Variants in ITGA9 observed in about 807,000 individuals in gnomAD.
ITGA9 encodes integrin subunit alpha 9.
A neutral mutation model predicts 127.8 loss-of-function variants in ITGA9; 56 were observed. The observed-to-expected ratio is 0.44, with a 90% CI of 0.35 to 0.55. The LOEUF (loss-of-function observed/expected upper bound fraction) is 0.55. Ranked by LOEUF, ITGA9 falls within the 20% of genes least tolerant of loss-of-function variation. The pLI is 0.00. For synonymous variants in ITGA9, 508 were observed against 514.5 expected, an observed-to-expected ratio of 0.99 and a Z score of 0.17; for missense variants, 1,196 against 1,347.1, an observed-to-expected ratio of 0.89 and a Z score of 1.76.
At position 37,823,252 on chromosome 3, in the gene ITGA9, G is replaced by A. The variant is rs1253228048; in HGVS notation, c.*4263G>A. ...TAATTCTAATGTGCACGGTGTGACT[G>A]GCAGAGTGAGTTTAAAAGCTTTACG... On this transcript the variant is annotated 3_prime_UTR_variant, in exon 28 of 28. Coordinates refer to ENST00000264741, the MANE Select transcript of ITGA9 (RefSeq NM_002207.3). The A allele has an allele frequency of 6.6e-6, 1 of 152,228 alleles. No homozygotes were observed. The highest frequency in any genetic ancestry group is 1.5e-5 in the Non-Finnish European group (1 of 68,048). The allele number at this position is 152,228 out of a possible 1,614,324, so 9.4% of individuals were successfully genotyped here. A position where few individuals can be genotyped will look rare whatever the true frequency, so the allele number is the denominator to read the frequency against.
At chr3:37,473,136 C>CAAAAAA (rs36109791) in intron 2 of ITGA9, among the ~76,000 whole-genome samples, 36 of 70,758 alleles carry the variant, frequency 5.1e-4, no homozygotes, top group African/African-American at 1.6e-3. Context: ...GAGACTGTCT[C>CAAAAAA]AAAAAAAAAA....
chr3:37,590,487 C>G (rs1699804686), intron 15 of ITGA9, among the ~76,000 whole-genome samples: 1 of 152,216 alleles, frequency 6.6e-6, no homozygotes, highest in Non-Finnish European at 1.5e-5. Context: ...TTTCACAGCT[C>G]AGTCCGAAGA....
At position 37,731,223 on chromosome 3, in the gene ITGA9, T is replaced by C. The variant is rs575368872; in HGVS notation, c.2068-1489T>C. On this transcript the variant is annotated intron_variant, in intron 18 of 27. Coordinates refer to ENST00000264741, the MANE Select transcript of ITGA9 (RefSeq NM_002207.3). ...GGCCCAGGAATCTGCATTTTATTTA[T>C]TTATTTATTTTTTAGACGGAGTCTC... 4.3e-4 allele frequency among the ~76,000 whole-genome samples: 66 copies of C among 152,300 alleles called. 1 individual carries two copies. In the South Asian group the frequency reaches 0.013, roughly 31 times the overall value.
At chr3:37,655,189 A>G (rs1700465609) in intron 17 of ITGA9, among the ~76,000 whole-genome samples, 1 of 152,160 alleles carries the variant, frequency 6.6e-6, no homozygotes, top group Non-Finnish European at 1.5e-5. Context: ...ATGATTCATA[A>G]TCCTTTGGGT....
intron 23 of ITGA9, among the ~76,000 whole-genome samples, chr3:37,750,891 G>A (rs1696577233): frequency 6.6e-6 from 1 of 152,270 alleles, no homozygotes; most frequent in South Asian, 2.1e-4. Context: ...TTTGCTGAGT[G>A]CATTTTGCAC....
In ITGA9 at chr3:37,796,193, T is replaced by C. The variant is rs372747788; in HGVS notation, c.2890-7630T>C. ...AATGATCTTCCCTCCCTTGTTTAGCTGGTAAACTTCTGCTTGTCCTTTCAC... is the reference window on the plus strand; with the variant it reads ...AATGATCTTCCCTCCCTTGTTTAGCCGGTAAACTTCTGCTTGTCCTTTCAC... On this transcript the variant is annotated intron_variant, in intron 26 of 27. Coordinates refer to ENST00000264741, the MANE Select transcript of ITGA9 (RefSeq NM_002207.3). Among the ~76,000 whole-genome samples, 267 of 152,184 alleles carry C rather than the reference T, an allele frequency of 1.8e-3. 1 individual carries two copies. The highest frequency in any genetic ancestry group is 5.9e-3 in the African/African-American group (244 of 41,522).
Position 37,506,011 on chromosome 3 carries a change from A to G in ITGA9, c.754A>G (p.Thr252Ala). Reference protein sequence around the residue: ...RRYTYLGYAVTAGHFSHPSTI... With the variant: ...RRYTYLGYAVAAGHFSHPSTI... Reference sequence around the variant, plus strand: ...CCCATCCTGTTCAGGCTACGCAGTGACCGCTGGCCACTTCTCTCACCCGTC... The same window carrying G: ...CCCATCCTGTTCAGGCTACGCAGTGGCCGCTGGCCACTTCTCTCACCCGTC... Residue 252 changes from threonine to alanine, a missense_variant, in exon 7 of 28, where the codon ACC becomes GCC. By Grantham distance (58) the Thr-to-Ala change is moderately conservative. Transcript: ENST00000264741. 1 of 1,606,280 alleles carries G rather than the reference A, an allele frequency of 6.2e-7. No individual in the cohort carries two copies. Among genetic ancestry groups the G allele is most frequent in the Non-Finnish European group, 8.5e-7 (1 of 1,176,514 alleles).
chr3:37,692,195 C>T (rs1318398852), intron 18 of ITGA9, among the ~76,000 whole-genome samples: 1 of 152,100 alleles, frequency 6.6e-6, no homozygotes, highest in African/African-American at 2.4e-5. Flanking sequence ...ATGGTAGTCC[C>T]GACTCTGCCA....
In ITGA9 at chr3:37,685,786, A is replaced by G. The variant is rs547669391; in HGVS notation, c.2067+1771A>G. ...AATTTTGGCTTGTTTTTACCTTGTG[A>G]CTGACTAGGCTTCATTCTCTTTATT... On this transcript the variant is annotated intron_variant, in intron 18 of 27. Transcript: ENST00000264741. Among the ~76,000 whole-genome samples the G allele has an allele frequency of 1.1e-4, 17 of 152,182 alleles. No individual in the cohort carries two copies. In the South Asian group the frequency reaches 3.5e-3, roughly 32 times the overall value.
intron 15 of ITGA9, among the ~76,000 whole-genome samples, chr3:37,546,520 CTGT>C (rs1699327755): frequency 1.3e-5 from 2 of 152,350 alleles, no homozygotes; most frequent in East Asian, 3.9e-4. Flanking sequence ...TGAAGGCTTG[CTGT>C]TGTTCAAGGC....
At chr3:37,476,581 A>G (rs952814946) in intron 3 of ITGA9, among the ~76,000 whole-genome samples, 1 of 152,130 alleles carries the variant, frequency 6.6e-6, no homozygotes, top group African/African-American at 2.4e-5. Context: ...GGCATTTTGC[A>G]CATGGGCAGT....
rs1232973585 is a variant in ITGA9, at chr3:37,821,406, G to A, written c.*2417G>A. The A allele has an allele frequency of 6.6e-6, 1 of 152,188 alleles. No homozygotes were observed. Among genetic ancestry groups the A allele is most frequent in the Non-Finnish European group, 1.5e-5 (1 of 68,030 alleles). The allele number at this position is 152,188 out of a possible 1,614,324, so 9.4% of individuals were successfully genotyped here. A position where few individuals can be genotyped will look rare whatever the true frequency, so the allele number is the denominator to read the frequency against. On this transcript the variant is annotated 3_prime_UTR_variant, in exon 28 of 28. Transcript: ENST00000264741. ...CCAGAGAACACTTCAGGGACATTTT[G>A]CCTCAGGGTGGCAAAATGCAGTGGC...
At chr3:37,469,586 G>C (rs1048980824) in intron 1 of ITGA9, among the ~76,000 whole-genome samples, 3 of 152,064 alleles carry the variant, frequency 2.0e-5, no homozygotes, top group Non-Finnish European at 2.9e-5. Context: ...TTGCAACCCT[G>C]CTTTCTCCTC....
intron 18 of ITGA9, among the ~76,000 whole-genome samples, chr3:37,700,294 T>G (rs1285158962): frequency 5.3e-5 from 8 of 151,854 alleles, no homozygotes; most frequent in African/African-American, 1.9e-4. Flanking sequence ...GGACATACTA[T>G]TTGTTTGTTG....
chr3:37,784,906 C>A, intron 25 of ITGA9, 71 bp from the exon 26 acceptor site: 2 of 1,273,954 alleles, frequency 1.6e-6, no homozygotes, highest in Non-Finnish European at 2.3e-6. Flanking sequence ...TTCAGTTCTG[C>A]CCAGTCCCTC....
intron 23 of ITGA9, among the ~76,000 whole-genome samples, 197 bp from the exon 24 acceptor site, chr3:37,777,195 C>T (rs79012969): frequency 0.025 from 3,866 of 152,252 alleles, 73 homozygotes; most frequent in Non-Finnish European, 0.038. Context: ...ACCTAAGATC[C>T]ACATTTTCTA....
At chr3:37,602,087 C>A (rs748435949) in intron 15 of ITGA9, among the ~76,000 whole-genome samples, 1 of 152,124 alleles carries the variant, frequency 6.6e-6, no homozygotes, top group Non-Finnish European at 1.5e-5. Flanking sequence ...TGGATCCGTC[C>A]CCATGACCCA....
chr3:37,571,753 G>A (rs984851480), intron 15 of ITGA9, among the ~76,000 whole-genome samples: 14 of 152,038 alleles, frequency 9.2e-5, no homozygotes, highest in African/African-American at 3.4e-4. Flanking sequence ...TCCGCTTTCT[G>A]CTTTCTTAGG....
intron 15 of ITGA9, among the ~76,000 whole-genome samples, chr3:37,612,959 C>A (rs199505897): frequency 7.1e-6 from 1 of 140,848 alleles, no homozygotes; most frequent in Non-Finnish European, 1.6e-5. Context: ...TTGTGCTGTT[C>A]TTTTTTTTTT....
Sources: allele counts gnomAD v4.1 joint callset (sites outside exome capture counted in the v4.1 genomes callset), GRCh38; gene constraint gnomAD v4.1.1; transcripts MANE v1.5; gene names NCBI Gene and HGNC (gene_info 2026-07-23, HGNC 2026-07-21).